The following SRPK2 variants were observed in gnomAD, a reference collection of about 807,000 sequenced individuals.
The protein encoded by SRPK2 is SRSF protein kinase 2, also known as SFRS protein kinase 2.
A neutral mutation model predicts 90.8 loss-of-function variants in SRPK2; 21 were observed. The ratio of observed to expected loss-of-function variants is 0.23; its 90% confidence interval spans 0.16 to 0.33. The LOEUF (loss-of-function observed/expected upper bound fraction) is 0.33, where lower values mean the gene tolerates loss of function less well. Ranked by LOEUF, SRPK2 falls within the 10% of genes least tolerant of loss-of-function variation. The pLI, the probability that SRPK2 is intolerant of heterozygous loss-of-function variation, is 1.00. For missense variants in SRPK2, 620 were observed against 869.0 expected, an observed-to-expected ratio of 0.71 and a Z score of 3.60; for synonymous variants, 288 against 311.1, an observed-to-expected ratio of 0.93 and a Z score of 0.78.
At chr7:105,151,505 C>T (rs568281058) in intron 7 of SRPK2, among the ~76,000 whole-genome samples, 8 of 152,312 alleles carry the variant, frequency 5.3e-5, no homozygotes, top group African/African-American at 1.9e-4. Context: ...CTGATATTGA[C>T]TTATTGAATT....
chr7:105,286,495 G>C (rs1808121813), intron 2 of SRPK2, among the ~76,000 whole-genome samples: 1 of 152,146 alleles, frequency 6.6e-6, no homozygotes, highest in South Asian at 2.1e-4. Flanking sequence ...GTTAAGCGCT[G>C]GGTAATTTGG....
Position 105,329,054 on chromosome 7 carries a change from A to G in SRPK2, c.71+59594T>C, listed in dbSNP as rs140041810. On this transcript the variant is annotated intron_variant, in intron 2 of 15. Coordinates refer to ENST00000393651, the MANE Select transcript of SRPK2 (RefSeq NM_182692.3). ...AAATATTTTTAAATAAGTAAACAGA[A>G]TAAGAACTGCAAGTTCCAGTCTCAG... 8.6e-3 allele frequency among the ~76,000 whole-genome samples: 1,306 copies of G among 152,110 alleles called. 15 individuals are homozygous for G. Among genetic ancestry groups the G allele is most frequent in the African/African-American group, 0.03 (1,231 of 41,476 alleles).
chr7:105,188,679 A>C (rs1175730091), intron 3 of SRPK2, among the ~76,000 whole-genome samples: 2 of 152,246 alleles, frequency 1.3e-5, no homozygotes, highest in Non-Finnish European at 2.9e-5. Context: ...AATTCTACTG[A>C]ATCCAGAACA....
intron 2 of SRPK2, among the ~76,000 whole-genome samples, chr7:105,370,380 A>G (rs1413553162): frequency 5.3e-5 from 8 of 152,026 alleles, no homozygotes; most frequent in Non-Finnish European, 5.9e-5. Flanking sequence ...TACCCACACT[A>G]TATGTTCACA....
In SRPK2 at chr7:105,301,127, T is replaced by C. The variant is rs187386492; in HGVS notation, c.71+87521A>G. Among the ~76,000 whole-genome samples the C allele has an allele frequency of 8.6e-4, 131 of 152,210 alleles. 1 individual carries two copies. Among genetic ancestry groups the C allele is most frequent in the African/African-American group, 2.9e-3 (120 of 41,536 alleles). On this transcript the variant is annotated intron_variant, in intron 2 of 15. Transcript: ENST00000393651. ...GACTGGGAACCAACCCAAATGTCCA[T>C]CAATGATAGACTGGATTAAGAAAAT...
intron 2 of SRPK2, among the ~76,000 whole-genome samples, chr7:105,289,833 G>C (rs1808716571): frequency 6.6e-6 from 1 of 151,900 alleles, no homozygotes. Context: ...TCCTCACTAA[G>C]CTTAATCATT....
At chr7:105,322,568 A>G (rs1813058435) in intron 2 of SRPK2, among the ~76,000 whole-genome samples, 1 of 152,062 alleles carries the variant, frequency 6.6e-6, no homozygotes, top group South Asian at 2.1e-4. Flanking sequence ...GGCTCCCAGG[A>G]GTTGGGGGAG....
At chr7:105,139,309 G>A (rs1803350272) in intron 11 of SRPK2, among the ~76,000 whole-genome samples, 1 of 152,194 alleles carries the variant, frequency 6.6e-6, no homozygotes, top group African/African-American at 2.4e-5. Context: ...CATAATAGGA[G>A]AGGCAAGCAA....
In SRPK2 at chr7:105,280,375, A is replaced by G. The variant is rs999579008; in HGVS notation, c.72-76590T>C. On this transcript the variant is annotated intron_variant, in intron 2 of 15. Coordinates refer to ENST00000393651, the MANE Select transcript of SRPK2 (RefSeq NM_182692.3). ...GGTTGCAGTGAGAGCGAAGACTGAG[A>G]TCACACCACTGCATGCCATCCTGGG... Among the ~76,000 whole-genome samples the G allele has an allele frequency of 3.3e-5, 5 of 151,868 alleles. No individual in the cohort carries two copies. In the South Asian group the frequency reaches 8.3e-4, roughly 25 times the overall value.
intron 11 of SRPK2, among the ~76,000 whole-genome samples, chr7:105,137,017 C>T (rs892540893): frequency 6.6e-6 from 1 of 152,150 alleles, no homozygotes; most frequent in African/African-American, 2.4e-5. Flanking sequence ...TGAAGAAAAA[C>T]AAAGCAGAGA....
intron 2 of SRPK2, among the ~76,000 whole-genome samples, chr7:105,274,379 T>C (rs1372622900): frequency 6.6e-6 from 1 of 151,948 alleles, no homozygotes; most frequent in African/African-American, 2.4e-5. Flanking sequence ...CTGGCCAAGA[T>C]GGTGAAACAC....
chr7:105,354,026 C>T (rs1817515000), intron 2 of SRPK2, among the ~76,000 whole-genome samples: 1 of 152,186 alleles, frequency 6.6e-6, no homozygotes, highest in Non-Finnish European at 1.5e-5. Context: ...AGGCCAGAAC[C>T]TTCCAGGACC....
chr7:105,211,564 T>A (rs1176901283), intron 2 of SRPK2, among the ~76,000 whole-genome samples: 1 of 151,508 alleles, frequency 6.6e-6, no homozygotes, highest in Non-Finnish European at 1.5e-5. Context: ...GGAGTGAGAG[T>A]GAGGGGGGAG....
At chr7:105,282,873 T>C (rs1303946009) in intron 2 of SRPK2, among the ~76,000 whole-genome samples, 6 of 135,096 alleles carry the variant, frequency 4.4e-5, no homozygotes, top group African/African-American at 1.8e-4. Context: ...TGGGAGAAAA[T>C]ATTTGTAAAT....
chr7:105,170,968 AGAAAGAAAG>A (rs1791003172), intron 3 of SRPK2, among the ~76,000 whole-genome samples: 6 of 3,650 alleles, frequency 1.6e-3, no homozygotes, highest in African/African-American at 4.6e-3. Flanking sequence ...AGAAAGAAAG[AGAAAGAAAG>A]AGAAAGAAAG....
At chr7:105,366,317 A>G (rs961275523) in intron 2 of SRPK2, among the ~76,000 whole-genome samples, 2 of 150,814 alleles carry the variant, frequency 1.3e-5, no homozygotes, top group Admixed American at 6.6e-5. Context: ...TACAGTTGTC[A>G]TACAGTGACT....
At chr7:105,228,608 C>A (rs1799019424) in intron 2 of SRPK2, among the ~76,000 whole-genome samples, 1 of 152,160 alleles carries the variant, frequency 6.6e-6, no homozygotes, top group Non-Finnish European at 1.5e-5. Flanking sequence ...CCGCAGACAG[C>A]GGAACTAAGA....
chr7:105,318,038 T>G (rs1812502308), intron 2 of SRPK2, among the ~76,000 whole-genome samples: 1 of 152,202 alleles, frequency 6.6e-6, no homozygotes, highest in African/African-American at 2.4e-5. Flanking sequence ...ATTACGGGCA[T>G]GAGCCACCAT....
chr7:105,136,002 T>G (rs1802748711), intron 11 of SRPK2, among the ~76,000 whole-genome samples: 1 of 152,138 alleles, frequency 6.6e-6, no homozygotes, highest in African/African-American at 2.4e-5. Flanking sequence ...TGACATCAAG[T>G]GATCTGCCCA....
Sources: allele counts gnomAD v4.1 joint callset (sites outside exome capture counted in the v4.1 genomes callset), GRCh38; gene constraint gnomAD v4.1.1; transcripts MANE v1.5; gene names NCBI Gene and HGNC (gene_info 2026-07-23, HGNC 2026-07-21).